The following SASH1 variants were observed in gnomAD, a reference collection of about 807,000 sequenced individuals.
SASH1 encodes the protein SAM and SH3 domain-containing protein 1.
In SASH1, 44 loss-of-function variants were observed where a neutral mutation model predicts 125.2. The ratio of observed to expected loss-of-function variants is 0.35; its 90% CI spans 0.28 to 0.45. The LOEUF (loss-of-function observed/expected upper bound fraction) is 0.45, where lower values mean the gene tolerates loss of function less well. Among genes scored for constraint, SASH1 ranks in the 20% least tolerant of loss-of-function variants. SASH1 has a pLI of 1.00. For synonymous variants in SASH1, 639 were observed against 649.1 expected (o/e 0.98, Z 0.24); for missense variants, 1,426 against 1,614.5 (o/e 0.88, Z 2.00).
chr6:148,455,221 A>G (rs928414842), intron 4 of SASH1, among the ~76,000 whole-genome samples: 1 of 152,216 alleles, frequency 6.6e-6, no homozygotes, highest in Non-Finnish European at 1.5e-5. Context: ...AATGCATTCA[A>G]TATCCAGATG....
At chr6:148,490,924 C>T (rs1355938506) in intron 8 of SASH1, among the ~76,000 whole-genome samples, 1 of 152,190 alleles carries the variant, frequency 6.6e-6, no homozygotes, top group Non-Finnish European at 1.5e-5. Context: ...TTTCATTCTT[C>T]TGCCCTTTAA....
upstream of SASH1, among the ~76,000 whole-genome samples, chr6:148,341,330 G>GTTT (rs75328242): frequency 2.6e-5 from 3 of 113,250 alleles, no homozygotes; most frequent in Admixed American, 8.8e-5. Context: ...TTTTTTTTTT[G>GTTT]TTTTTTTTTT....
At chr6:148,261,677 G>C in the SASH1 span, among the ~76,000 whole-genome samples, 1 of 152,156 alleles carries the variant, frequency 6.6e-6, no homozygotes, top group African/African-American at 2.4e-5. Flanking sequence ...GGGCTCTGAG[G>C]TGGGCTGCAG....
intron 1 of SASH1, among the ~76,000 whole-genome samples, chr6:148,302,311 CAAAAAAAAAAAAAA>C (rs1174644909): frequency 5.3e-4 from 24 of 44,870 alleles, no homozygotes; most frequent in African/African-American, 1.9e-3. Flanking sequence ...GACTCCGTCT[CAAAAAAAAAAAAAA>C]AAAAAAAAAA....
At position 148,334,080 on chromosome 6, in the gene SASH1, C is replaced by T. The variant is rs375326565; in HGVS notation, n.75-56054C>T. Among the ~76,000 whole-genome samples the T allele has an allele frequency of 9.4e-4, 142 of 150,680 alleles. 1 individual carries two copies. In the East Asian group the frequency reaches 0.025, roughly 27 times the overall value. ...CTCGTGATCCGCCTGCCTCGGCCTC[C>T]CAAAGTGCTGGGATTACAGGTGTGA... On this transcript the variant is annotated intron_variant and non_coding_transcript_variant, in intron 1 of 3. Coordinates refer to the SASH1 transcript ENST00000367469.
chr6:148,329,114 C>T (rs987410687), intron 1 of SASH1, among the ~76,000 whole-genome samples: 6 of 152,218 alleles, frequency 3.9e-5, no homozygotes, highest in African/African-American at 1.4e-4. Flanking sequence ...CAAATGACCT[C>T]ATTTCTAGAA....
chr6:148,402,197 C>T (rs141103078), intron 2 of SASH1, among the ~76,000 whole-genome samples: 5 of 152,222 alleles, frequency 3.3e-5, no homozygotes, highest in East Asian at 1.9e-4. Context: ...CCTCAGGGTA[C>T]GGTACTTTAT....
At chr6:148,515,169 C>G (rs1301594993) in intron 9 of SASH1, among the ~76,000 whole-genome samples, 1 of 151,900 alleles carries the variant, frequency 6.6e-6, no homozygotes, top group Admixed American at 6.6e-5. Flanking sequence ...TAAATTCTCC[C>G]CAAAAAGGTA....
At chr6:148,363,835 A>T (rs1378901987) in intron 1 of SASH1, among the ~76,000 whole-genome samples, 2 of 152,100 alleles carry the variant, frequency 1.3e-5, no homozygotes, top group Admixed American at 6.6e-5. Context: ...TGGATTGCTG[A>T]GGGTTAGCAA....
At chr6:148,221,669 G>T in the SASH1 span, among the ~76,000 whole-genome samples, 2 of 152,230 alleles carry the variant, frequency 1.3e-5, no homozygotes, top group Admixed American at 1.3e-4. Flanking sequence ...TAGACAAGGG[G>T]TGATATTGCT....
chr6:148,427,968 G>A (rs1775898698), intron 2 of SASH1, among the ~76,000 whole-genome samples: 1 of 152,166 alleles, frequency 6.6e-6, no homozygotes, highest in Non-Finnish European at 1.5e-5. Context: ...TTTTCCATGT[G>A]GTATCTTTCA....
At chr6:148,297,841 T>G (rs1355312084) in intron 1 of SASH1, among the ~76,000 whole-genome samples, 1 of 151,572 alleles carries the variant, frequency 6.6e-6, no homozygotes, top group East Asian at 1.9e-4. Flanking sequence ...TAAAAAAAAA[T>G]TATTAATATT....
the SASH1 span, among the ~76,000 whole-genome samples, chr6:148,211,976 C>T: frequency 2.0e-5 from 3 of 152,196 alleles, no homozygotes; most frequent in Non-Finnish European, 4.4e-5. Flanking sequence ...ACCTGGAAGC[C>T]GCTCTCGGGC....
At chr6:148,498,285 T>C (rs1482285390) in intron 8 of SASH1, among the ~76,000 whole-genome samples, 1 of 150,516 alleles carries the variant, frequency 6.6e-6, no homozygotes, top group Non-Finnish European at 1.5e-5. Context: ...GTAGTGTGCA[T>C]CTGTAGTCCC....
chr6:148,524,762 A>G (rs1477819326), intron 10 of SASH1: 1 of 152,956 alleles, frequency 6.5e-6, no homozygotes, highest in African/African-American at 2.4e-5. Flanking sequence ...AACTGTAAAC[A>G]TAACCTTCTC....
In SASH1 at chr6:148,439,903, G is replaced by A. The variant is rs10872615; in HGVS notation, c.286-281G>A. On this transcript the variant is annotated intron_variant, in intron 2 of 19. Coordinates refer to ENST00000367467, the MANE Select transcript of SASH1 (RefSeq NM_015278.5). The stretch of plus-strand genomic sequence containing the variant: ...CCACAGAATTATTTCACCATGAACT[G>A]TCAGTCCCCTTGACTGAAATTGTGC... Among the ~76,000 whole-genome samples the A allele has an allele frequency of 0.19, 28,189 of 152,068 alleles. 2,998 individuals carry two copies. Among genetic ancestry groups the A allele is most frequent in the East Asian group, 0.28 (1,455 of 5,170 alleles).
At chr6:148,214,560 A>G in the SASH1 span, among the ~76,000 whole-genome samples, 1 of 152,178 alleles carries the variant, frequency 6.6e-6, no homozygotes, top group Non-Finnish European at 1.5e-5. Context: ...GTCTAGTTCA[A>G]TATGTGTTTT....
intron 1 of SASH1, among the ~76,000 whole-genome samples, chr6:148,284,438 C>CA (rs943001302): frequency 5.4e-5 from 8 of 148,356 alleles, no homozygotes; most frequent in Admixed American, 3.4e-4. Flanking sequence ...GACTCCATCC[C>CA]AAAAAAAAAT....
chr6:148,458,538 C>T (rs1314115741), intron 4 of SASH1, among the ~76,000 whole-genome samples: 3 of 152,126 alleles, frequency 2.0e-5, no homozygotes, highest in South Asian at 2.1e-4. Context: ...GGAAGGTATG[C>T]GCCATGTCGT....
Sources: gnomAD v4.1 joint callset for allele counts (sites outside exome capture counted in the v4.1 genomes callset) on GRCh38, gnomAD v4.1.1 for gene constraint, MANE v1.5 for transcripts, NCBI Gene and HGNC (gene_info 2026-07-23, HGNC 2026-07-21) for gene names.